Variants in NRG1 observed in about 807,000 individuals in gnomAD.
NRG1 encodes neuregulin 1, also known as pro-neuregulin-1, membrane-bound isoform.
A neutral mutation model predicts 63.8 loss-of-function variants in NRG1; 18 were observed. The observed-to-expected ratio is 0.28, with a 90% CI of 0.19 to 0.42. NRG1 has a LOEUF of 0.42. Ranked by LOEUF, NRG1 falls within the 10% of genes least tolerant of loss-of-function variation. The pLI, the probability that NRG1 is intolerant of heterozygous loss-of-function variation, is 1.00. For missense variants in NRG1, 762 were observed against 814.7 expected (o/e 0.94, Z 0.79); for synonymous variants, 302 against 301.3 (o/e 1.00, Z -0.02).
intron 1 of NRG1, among the ~76,000 whole-genome samples, chr8:31,747,061 C>T (rs1026877788): frequency 6.6e-6 from 1 of 151,638 alleles, no homozygotes; most frequent in African/African-American, 2.4e-5. Flanking sequence ...TTAATAGGTA[C>T]AAAAAGGTAG....
chr8:32,732,799 C>CTTTTTTT lies in NRG1; in HGVS notation c.632+4738_632+4744dup, dbSNP rs1173388613. Among the ~76,000 whole-genome samples, 171 of 83,350 alleles carry CTTTTTTT rather than the reference C, an allele frequency of 2.1e-3. 1 individual carries two copies. Among genetic ancestry groups the CTTTTTTT allele is most frequent in the East Asian group, 5.6e-3 (13 of 2,318 alleles). The allele number at this position is 83,350 out of a possible 152,430, so 54.7% of individuals were successfully genotyped here. ...CAGACTGTGTTATCATGTTTAATTT[C>CTTTTTTT]TTTTTTTTTTTTTTTTTTTTTTTGA... On this transcript the variant is annotated intron_variant, in intron 6 of 11. Coordinates refer to ENST00000356819, the Ensembl canonical transcript of NRG1.
chr8:32,580,694 A>C (rs570119954), intron 1 of NRG1, among the ~76,000 whole-genome samples: 1 of 152,218 alleles, frequency 6.6e-6, no homozygotes, highest in African/African-American at 2.4e-5. Context: ...TTTAATCAGC[A>C]TATTGCACTG....
intron 1 of NRG1, among the ~76,000 whole-genome samples, chr8:32,356,610 G>A (rs898421989): frequency 6.6e-6 from 1 of 151,770 alleles, no homozygotes; most frequent in Non-Finnish European, 1.5e-5. Context: ...CTGTTGATCT[G>A]CTACGTGCAA....
chr8:32,760,836 G>T, intron 11 of NRG1: 1 of 1,008,448 alleles, frequency 9.9e-7, no homozygotes, highest in Non-Finnish European at 1.2e-6. Context: ...GTTCTTATCT[G>T]CTAACCCTGT....
At chr8:31,861,807 T>C (rs1828500907) in intron 1 of NRG1, among the ~76,000 whole-genome samples, 1 of 152,188 alleles carries the variant, frequency 6.6e-6, no homozygotes, top group African/African-American at 2.4e-5. Flanking sequence ...GATCCAGTAA[T>C]GTCATCTTCT....
At chr8:32,630,955 T>G (rs893960370) in intron 5 of NRG1, among the ~76,000 whole-genome samples, 1 of 152,146 alleles carries the variant, frequency 6.6e-6, no homozygotes, top group Non-Finnish European at 1.5e-5. Context: ...ATTGTAGCAT[T>G]TTGTGTCTGG....
At chr8:32,621,648 G>A (rs561573634) in intron 5 of NRG1, among the ~76,000 whole-genome samples, 22 of 152,228 alleles carry the variant, frequency 1.4e-4, no homozygotes, top group Non-Finnish European at 2.6e-4. Context: ...GATAAATCCC[G>A]GGAAAACAGT....
chr8:31,705,999 A>G (rs571979459), intron 1 of NRG1, among the ~76,000 whole-genome samples: 1 of 152,364 alleles, frequency 6.6e-6, no homozygotes, highest in South Asian at 2.1e-4. Context: ...AATATCTTAC[A>G]TCTTCTCAAA....
At chr8:32,396,612 T>C (rs2347513) in intron 1 of NRG1, among the ~76,000 whole-genome samples, 137,772 of 151,964 alleles carry the variant, frequency 0.91, 63,158 homozygotes, top group Non-Finnish European at 0.95. Flanking sequence ...CCACACCCGG[T>C]TCATTTTGTA....
intron 3 of NRG1, among the ~76,000 whole-genome samples, chr8:32,611,717 C>A (rs1376161046): frequency 6.6e-6 from 1 of 151,938 alleles, no homozygotes; most frequent in African/African-American, 2.4e-5. Flanking sequence ...TTAAAGAAAT[C>A]ACTTGATCAA....
At chr8:31,931,661 T>C (rs759593499) in intron 1 of NRG1, among the ~76,000 whole-genome samples, 16 of 152,176 alleles carry the variant, frequency 1.1e-4, no homozygotes, top group Non-Finnish European at 2.4e-4. Flanking sequence ...AATATAATAC[T>C]GTGCCCCAAC....
chr8:32,251,213 C>T (rs188244130), intron 1 of NRG1, among the ~76,000 whole-genome samples: 1 of 152,034 alleles, frequency 6.6e-6, no homozygotes, highest in East Asian at 1.9e-4. Flanking sequence ...CCCGCTCCCC[C>T]CACCCCACAA....
chr8:32,247,558 A>G (rs1039565952), intron 1 of NRG1, among the ~76,000 whole-genome samples: 1 of 152,140 alleles, frequency 6.6e-6, no homozygotes, highest in Non-Finnish European at 1.5e-5. Flanking sequence ...AATAGATATC[A>G]CTTAGGAATC....
chr8:32,284,489 G>T (rs7464612), intron 1 of NRG1, among the ~76,000 whole-genome samples: 106 of 132,614 alleles, frequency 8.0e-4, no homozygotes, highest in African/African-American at 1.6e-3. Context: ...CTGCCTGCCT[G>T]CCTTCCTTCC....
chr8:32,329,449 G>T (rs928056645), intron 1 of NRG1, among the ~76,000 whole-genome samples: 2 of 152,158 alleles, frequency 1.3e-5, no homozygotes, highest in Non-Finnish European at 2.9e-5. Flanking sequence ...GTGAAAAAAA[G>T]TTTAAAAGCA....
chr8:32,403,999 A>G (rs1813592750), intron 1 of NRG1, among the ~76,000 whole-genome samples: 1 of 152,212 alleles, frequency 6.6e-6, no homozygotes, highest in African/African-American at 2.4e-5. Context: ...TTCACCTACT[A>G]TATGCATTAC....
chr8:32,148,578 C>T (rs1279965981), intron 1 of NRG1, among the ~76,000 whole-genome samples: 1 of 152,090 alleles, frequency 6.6e-6, no homozygotes, highest in Non-Finnish European at 1.5e-5. Context: ...TTTTATACTA[C>T]CTCAGTTAAT....
chr8:32,110,704 A>ACTG (rs1281300774), intron 1 of NRG1, among the ~76,000 whole-genome samples: 2 of 152,186 alleles, frequency 1.3e-5, no homozygotes, highest in African/African-American at 4.8e-5. Flanking sequence ...ATCCTTTTGA[A>ACTG]CTGCCCCATC....
chr8:31,927,439 CTTTTTTT>C lies in NRG1; in HGVS notation c.37+288029_37+288035del, dbSNP rs71539998. On this transcript the variant is annotated intron_variant, in intron 1 of 10. Transcript: ENST00000519301. ...CTGTACAATGAAACAGAGAAAACTA[CTTTTTTT>C]TTTTTTTTTTTTTTTTTTTTGAGAC... Among the ~76,000 whole-genome samples the C allele has an allele frequency of 4.3e-4, 29 of 68,072 alleles. No individual in the cohort carries two copies. In the South Asian group the frequency reaches 0.016, roughly 38 times the overall value. 44.7% of individuals were successfully genotyped at this position (68,072 alleles called of 152,430 possible).
Sources: allele counts gnomAD v4.1 joint callset (sites outside exome capture counted in the v4.1 genomes callset), GRCh38; gene constraint gnomAD v4.1.1; transcripts MANE v1.5; gene names NCBI Gene and HGNC (gene_info 2026-07-23, HGNC 2026-07-21).